Variants in RALYL observed in about 807,000 individuals in gnomAD.
RALYL encodes RNA-binding Raly-like protein.
Under a neutral mutation model 35.1 loss-of-function variants are expected in RALYL, and 29 were observed. That is an observed-to-expected ratio of 0.83 (90% confidence interval 0.61 to 1.13). The LOEUF (loss-of-function observed/expected upper bound fraction) is 1.13. Among genes scored for constraint, RALYL ranks in the 50% most tolerant of loss-of-function variants. RALYL has a pLI of 0.00. For missense variants in RALYL, 359 were observed against 360.4 expected (o/e 1.00, Z 0.03); for synonymous variants, 120 against 127.6 (o/e 0.94, Z 0.40).
intron 1 of RALYL, among the ~76,000 whole-genome samples, chr8:84,362,980 A>T (rs191128537): frequency 6.6e-6 from 1 of 151,414 alleles, no homozygotes; most frequent in African/African-American, 2.4e-5. Context: ...AGATTGAAGG[A>T]TCAGAAACAC....
At chr8:84,644,070 G>C (rs1256406084) in intron 2 of RALYL, among the ~76,000 whole-genome samples, 1 of 152,014 alleles carries the variant, frequency 6.6e-6, no homozygotes, top group Non-Finnish European at 1.5e-5. Flanking sequence ...AGATAAATGT[G>C]CATGGTGTAA....
At chr8:84,311,315 A>C (rs1042889536) in intron 1 of RALYL, among the ~76,000 whole-genome samples, 1 of 151,986 alleles carries the variant, frequency 6.6e-6, no homozygotes, top group Admixed American at 6.6e-5. Context: ...ATAAGTATAA[A>C]ATTGAGAATG....
chr8:84,553,145 A>T (rs530145558), intron 2 of RALYL, among the ~76,000 whole-genome samples: 1 of 152,232 alleles, frequency 6.6e-6, no homozygotes, highest in Non-Finnish European at 1.5e-5. Context: ...GAAAGACTCC[A>T]CTTCTTTCAC....
rs573139573 is a variant in RALYL, at chr8:84,336,215, A to G, written c.-24+151791A>G. Among the ~76,000 whole-genome samples the G allele has an allele frequency of 3.3e-5, 5 of 152,192 alleles. No homozygotes were observed. The East Asian group carries it at 9.7e-4, about 29-fold the overall frequency. On this transcript the variant is annotated intron_variant, in intron 1 of 8. Coordinates refer to ENST00000521268, the MANE Select transcript of RALYL (RefSeq NM_173848.7). Reference sequence around the variant, plus strand: ...TGAGCAACTGATTTTTTTTAACCTTATGGACACTGAATTGATTGTTTTTCA... The same window carrying G: ...TGAGCAACTGATTTTTTTTAACCTTGTGGACACTGAATTGATTGTTTTTCA...
chr8:84,463,117 T>C (rs959366456), intron 1 of RALYL, among the ~76,000 whole-genome samples: 4 of 152,004 alleles, frequency 2.6e-5, no homozygotes, highest in Non-Finnish European at 5.9e-5. Context: ...CTCTTTCTCA[T>C]AGTTTAGCAG....
chr8:84,596,332 G>A (rs1217301916), intron 2 of RALYL, among the ~76,000 whole-genome samples: 3 of 152,034 alleles, frequency 2.0e-5, no homozygotes, highest in Non-Finnish European at 4.4e-5. Context: ...TTTTTTCTCA[G>A]CAACTGCCAT....
At chr8:84,749,792 C>T (rs1809520579) in intron 2 of RALYL, among the ~76,000 whole-genome samples, 1 of 152,108 alleles carries the variant, frequency 6.6e-6, no homozygotes, top group African/African-American at 2.4e-5. Flanking sequence ...ACAACAGAAG[C>T]CCAAGATTTA....
intron 1 of RALYL, among the ~76,000 whole-genome samples, chr8:84,474,328 C>T (rs1255231093): frequency 1.3e-5 from 2 of 151,946 alleles, no homozygotes; most frequent in African/African-American, 4.8e-5. Flanking sequence ...TGTCATTTAC[C>T]AAAAATATGG....
At chr8:84,770,758 T>C (rs530879186) in intron 2 of RALYL, among the ~76,000 whole-genome samples, 1 of 152,278 alleles carries the variant, frequency 6.6e-6, no homozygotes, top group Admixed American at 6.5e-5. Flanking sequence ...GGTAAGGTGG[T>C]ATAGCACCGT....
chr8:84,425,787 G>GTGTA (rs1563908338), intron 1 of RALYL, among the ~76,000 whole-genome samples: 86 of 139,060 alleles, frequency 6.2e-4, no homozygotes, highest in African/African-American at 2.5e-3. Flanking sequence ...TTTCTTCTGT[G>GTGTA]TGTGTGTGTG....
chr8:84,858,793 C>G (rs989389501), intron 5 of RALYL, among the ~76,000 whole-genome samples: 1 of 152,136 alleles, frequency 6.6e-6, no homozygotes, highest in African/African-American at 2.4e-5. Context: ...TCGCAGAAAG[C>G]CTTCCCCGCT....
chr8:84,791,827 T>C (rs1820847722), intron 3 of RALYL, among the ~76,000 whole-genome samples: 1 of 152,248 alleles, frequency 6.6e-6, no homozygotes, highest in African/African-American at 2.4e-5. Context: ...CGATGTGGGC[T>C]GAGTTCAGTC....
intron 2 of RALYL, among the ~76,000 whole-genome samples, chr8:84,702,539 T>TCTCACA (rs143400097): frequency 4.0e-4 from 54 of 136,532 alleles, no homozygotes; most frequent in African/African-American, 1.5e-3. Context: ...TCTCTCTCTC[T>TCTCACA]CACACACACA....
chr8:84,918,289 C>A (rs1848793223), intron 8 of RALYL, among the ~76,000 whole-genome samples: 1 of 151,980 alleles, frequency 6.6e-6, no homozygotes, highest in African/African-American at 2.4e-5. Flanking sequence ...TTGCTGTACT[C>A]TTTTATTTCA....
At chr8:84,312,962 C>T (rs373840399) in intron 1 of RALYL, among the ~76,000 whole-genome samples, 11 of 152,354 alleles carry the variant, frequency 7.2e-5, no homozygotes, top group African/African-American at 2.6e-4. Context: ...AACATGAGGG[C>T]TCTGCCCCTG....
At chr8:84,751,061 A>C (rs1269495472) in intron 2 of RALYL, among the ~76,000 whole-genome samples, 1 of 152,096 alleles carries the variant, frequency 6.6e-6, no homozygotes, top group Non-Finnish European at 1.5e-5. Flanking sequence ...TTTATCGGCC[A>C]TATCACTGTG....
intron 1 of RALYL, among the ~76,000 whole-genome samples, chr8:84,344,352 T>G (rs1849413176): frequency 6.6e-6 from 1 of 152,058 alleles, no homozygotes; most frequent in Non-Finnish European, 1.5e-5. Context: ...TTTCCTTTAT[T>G]CAAGGAAGAT....
At chr8:84,729,642 C>G (rs1313758528) in intron 2 of RALYL, among the ~76,000 whole-genome samples, 7 of 151,722 alleles carry the variant, frequency 4.6e-5, no homozygotes, top group Non-Finnish European at 7.4e-5. Context: ...GCTAGCAAGA[C>G]TAGTAAAGAA....
At chr8:84,748,860 A>G (rs989558466) in intron 2 of RALYL, among the ~76,000 whole-genome samples, 1 of 152,116 alleles carries the variant, frequency 6.6e-6, no homozygotes, top group Admixed American at 6.6e-5. Flanking sequence ...GAAAAATATC[A>G]ACGAGCCGGC....
Sources: gnomAD v4.1 joint callset for allele counts (sites outside exome capture counted in the v4.1 genomes callset) on GRCh38, gnomAD v4.1.1 for gene constraint, MANE v1.5 for transcripts, NCBI Gene and HGNC (gene_info 2026-07-23, HGNC 2026-07-21) for gene names.